The following ANGPT4 variants were observed in gnomAD, a reference collection of about 807,000 sequenced individuals.
The protein encoded by ANGPT4 is angiopoietin-4.
Under a neutral mutation model 53.0 loss-of-function variants are expected in ANGPT4, and 50 were observed. The observed-to-expected ratio is 0.94, with a 90% CI of 0.75 to 1.20. The LOEUF (loss-of-function observed/expected upper bound fraction) is 1.20. Ranked by LOEUF, ANGPT4 falls within the 50% of genes most tolerant of loss-of-function variation. ANGPT4 has a pLI of 0.00. For synonymous variants in ANGPT4, 251 were observed against 259.7 expected (o/e 0.97, Z 0.32); for missense variants, 648 against 637.1 (o/e 1.02, Z -0.18).
intron 3 of ANGPT4, among the ~76,000 whole-genome samples, chr20:887,472 A>G (rs1411070512): frequency 6.6e-6 from 1 of 152,198 alleles, no homozygotes; most frequent in Non-Finnish European, 1.5e-5. Context: ...CATGTGAACA[A>G]CAACATCTTG....
intron 3 of ANGPT4, among the ~76,000 whole-genome samples, chr20:888,068 C>T (rs1981683665): frequency 6.6e-6 from 1 of 152,104 alleles, no homozygotes; most frequent in South Asian, 2.1e-4. Context: ...ACCCTGGTTT[C>T]AGTCCTTCCC....
Position 881,155 on chromosome 20 carries a change from CA to C in ANGPT4, c.951+15del, listed in dbSNP as rs746870689. 6.4e-7 allele frequency: 1 copy of C among 1,553,946 alleles called. No homozygotes were observed. Among genetic ancestry groups the C allele is most frequent in the Non-Finnish European group, 8.7e-7 (1 of 1,150,150 alleles). Reference sequence around the variant, plus strand: ...AGCACCCTCTAACAGCCACAGTTCCCAGGGAGCCCCCTAACCTTCCTGGGCT... The same window carrying C: ...AGCACCCTCTAACAGCCACAGTTCCCGGGAGCCCCCTAACCTTCCTGGGCT... On this transcript the variant is annotated intron_variant, in intron 5 of 8. Transcript: ENST00000381922.
chr20:874,571 T>C (rs1981086806), intron 7 of ANGPT4, among the ~76,000 whole-genome samples, 157 bp from the exon 8 acceptor site: 1 of 152,130 alleles, frequency 6.6e-6, no homozygotes, highest in Non-Finnish European at 1.5e-5. Flanking sequence ...GCTTGGGCTG[T>C]TTCCCTTCCT....
chr20:879,703 A>G (rs747724979), intron 6 of ANGPT4, 44 bp downstream of exon 6: 1 of 1,556,024 alleles, frequency 6.4e-7, no homozygotes, highest in South Asian at 1.1e-5. Flanking sequence ...CCCCAGCCCC[A>G]GGTTTCAGAG....
chr20:878,351 G>A (rs549774453), intron 6 of ANGPT4, 24 bp from the exon 7 acceptor site: 49 of 1,582,806 alleles, frequency 3.1e-5, no homozygotes, highest in Middle Eastern at 1.9e-4. Flanking sequence ...AGCGTGGGGT[G>A]AGACTCATGC....
At chr20:883,808 G>T (rs1202169493) in intron 4 of ANGPT4, among the ~76,000 whole-genome samples, 6 of 152,220 alleles carry the variant, frequency 3.9e-5, no homozygotes, top group Admixed American at 1.3e-4. Context: ...ACCCACACAT[G>T]GGATGAATTC....
At chr20:887,889 G>A (rs1005043114) in intron 3 of ANGPT4, among the ~76,000 whole-genome samples, 8 of 151,102 alleles carry the variant, frequency 5.3e-5, no homozygotes, top group African/African-American at 1.9e-4. Context: ...AAAAGAAGGA[G>A]GAAGGAAGGA....
intron 7 of ANGPT4, among the ~76,000 whole-genome samples, chr20:876,719 T>C (rs917112317): frequency 1.3e-5 from 2 of 152,052 alleles, no homozygotes; most frequent in East Asian, 1.9e-4. Context: ...GTGGCTTAAA[T>C]GGGACTCAGC....
chr20:906,380 A>G (rs1390507250), intron 1 of ANGPT4, among the ~76,000 whole-genome samples: 1 of 152,138 alleles, frequency 6.6e-6, no homozygotes, highest in African/African-American at 2.4e-5. Context: ...GCCCTAGCTG[A>G]TACCTGAGTG....
intron 5 of ANGPT4, among the ~76,000 whole-genome samples, chr20:880,775 G>C (rs536734933): frequency 6.6e-6 from 1 of 152,254 alleles, no homozygotes; most frequent in Non-Finnish European, 1.5e-5. Context: ...ATTAGCCCTG[G>C]TTTCTAATTT....
At chr20:893,726 C>A (rs1450005474) in intron 1 of ANGPT4, among the ~76,000 whole-genome samples, 2 of 152,158 alleles carry the variant, frequency 1.3e-5, no homozygotes, top group African/African-American at 2.4e-5. Flanking sequence ...ACTCCCACCC[C>A]ATGCTTCGAA....
chr20:912,704 A>G (rs1325856947), intron 1 of ANGPT4, among the ~76,000 whole-genome samples: 1 of 151,852 alleles, frequency 6.6e-6, no homozygotes, highest in Non-Finnish European at 1.5e-5. Context: ...AGAGAGAGAG[A>G]AGAGGTGAGG....
chr20:902,212 TGA>T (rs1484726342), intron 1 of ANGPT4, among the ~76,000 whole-genome samples: 2 of 152,148 alleles, frequency 1.3e-5, no homozygotes, highest in African/African-American at 4.8e-5. Context: ...AAAAGTAGAA[TGA>T]GAGTGTATAC....
chr20:895,875 C>T (rs1056306280), intron 1 of ANGPT4, among the ~76,000 whole-genome samples: 1 of 151,684 alleles, frequency 6.6e-6, no homozygotes, highest in African/African-American at 2.4e-5. Context: ...TCTGTGATTG[C>T]CAGGGCCTGG....
At position 914,775 on chromosome 20, in the gene ANGPT4, A is replaced by G. The variant is rs533194; in HGVS notation, c.309+1131T>C. Among the ~76,000 whole-genome samples the G allele has an allele frequency of 0.57, 86,365 of 151,872 alleles. 24,731 individuals are homozygous for G. The highest frequency in any genetic ancestry group is 0.6 in the Admixed American group (9,213 of 15,270). Reference sequence around the variant, plus strand: ...TCAGACCCCCCAGGATGTCTCCTGTACCCTCATGCCCCGCCAGGGCCAAGC... The same window carrying G: ...TCAGACCCCCCAGGATGTCTCCTGTGCCCTCATGCCCCGCCAGGGCCAAGC... On this transcript the variant is annotated intron_variant, in intron 1 of 8. Transcript: ENST00000381922. The surrounding 1 kb of genome is among the most constrained non-coding windows in gnomAD (Gnocchi z 5.0).
chr20:886,605 G>C (rs1981628780), intron 3 of ANGPT4, among the ~76,000 whole-genome samples: 1 of 152,192 alleles, frequency 6.6e-6, no homozygotes, highest in Non-Finnish European at 1.5e-5. Context: ...GAACATCCTA[G>C]CTTAGCCTAG....
intron 1 of ANGPT4, among the ~76,000 whole-genome samples, chr20:901,337 C>A (rs1982277650): frequency 6.6e-6 from 1 of 152,140 alleles, no homozygotes; most frequent in African/African-American, 2.4e-5. Flanking sequence ...GATGACATTA[C>A]CTTGTGACAT....
At chr20:903,919 C>A (rs890540497) in intron 1 of ANGPT4, among the ~76,000 whole-genome samples, 6 of 152,156 alleles carry the variant, frequency 3.9e-5, no homozygotes, top group African/African-American at 1.4e-4. Context: ...GACCTCTCAG[C>A]TCCCATCCCC....
intron 4 of ANGPT4, among the ~76,000 whole-genome samples, chr20:884,088 C>T (rs1981512684): frequency 6.6e-6 from 1 of 152,212 alleles, no homozygotes. Context: ...AGCAGTAGCC[C>T]CTTTGGTCTT....
Sources: gnomAD v4.1 joint callset for allele counts (sites outside exome capture counted in the v4.1 genomes callset) on GRCh38, gnomAD v4.1.1 for gene constraint, Gnocchi (gnomAD v3.1) non-coding constraint, MANE v1.5 for transcripts, NCBI Gene and HGNC (gene_info 2026-07-23, HGNC 2026-07-21) for gene names.